SENP1: variants seen among roughly 807,000 people sequenced by gnomAD.
SENP1 encodes SUMO specific peptidase 1, also known as sentrin-specific protease 1.
Under a neutral mutation model 93.0 loss-of-function variants are expected in SENP1, and 21 were observed. The ratio of observed to expected loss-of-function variants is 0.23; its 90% CI spans 0.16 to 0.33. SENP1 has a LOEUF of 0.33. SENP1 is among the 10% of genes least tolerant of loss of function. The pLI is 1.00. For synonymous variants in SENP1, 256 were observed against 259.6 expected (o/e 0.99, Z 0.13); for missense variants, 591 against 758.7 (o/e 0.78, Z 2.60).
chr12:48,079,174 T>G (rs1414977501), intron 6 of SENP1, among the ~76,000 whole-genome samples: 3 of 151,394 alleles, frequency 2.0e-5, no homozygotes, highest in African/African-American at 7.3e-5. Flanking sequence ...AAAATTAAAA[T>G]TAAAGAAAGC....
At position 48,088,906 on chromosome 12, in the gene SENP1, T is replaced by A. The variant is rs774696135; in HGVS notation, c.275A>T (p.Gln92Leu). The A allele has an allele frequency of 6.3e-6, 10 of 1,599,468 alleles. No homozygotes were observed. The highest frequency in any genetic ancestry group is 8.5e-6 in the Non-Finnish European group (10 of 1,172,400). The change falls in exon 5 of 18, where the codon CAG becomes CTG. Residue 92 changes from glutamine to leucine, a missense_variant. Gln to Leu is a moderately radical substitution (Grantham distance 113). Coordinates refer to ENST00000549518, the MANE Select transcript of SENP1 (RefSeq NM_001267594.2). ...LGSGDLRTFGQSANGQWRNST... is the reference protein window; with the variant it reads ...LGSGDLRTFGLSANGQWRNST... ...ATTTCTCCATTGGCCATTTGCACTC[T>A]GGCCAAAGGTTCTTAAATCGCCTGA...
At chr12:48,090,525 C>T (rs893615560) in intron 4 of SENP1, among the ~76,000 whole-genome samples, 2 of 152,192 alleles carry the variant, frequency 1.3e-5, no homozygotes, top group African/African-American at 4.8e-5. Context: ...AATGAAATTG[C>T]TGAATGGTGT....
intron 13 of SENP1, among the ~76,000 whole-genome samples, chr12:48,050,436 G>A (rs547036959): frequency 1.3e-5 from 2 of 152,292 alleles, no homozygotes; most frequent in South Asian, 4.1e-4. Context: ...TCGCCATGAG[G>A]CAGAGCTCTG....
intron 13 of SENP1, among the ~76,000 whole-genome samples, chr12:48,053,480 GAAAAAAA>G (rs56951392): frequency 1.3e-5 from 1 of 79,696 alleles, no homozygotes; most frequent in Admixed American, 1.5e-4. Flanking sequence ...CCTGTCTCAG[GAAAAAAA>G]AAAAAAAAAA....
intron 6 of SENP1, among the ~76,000 whole-genome samples, chr12:48,078,181 T>C (rs956198463): frequency 2.0e-5 from 3 of 151,406 alleles, no homozygotes; most frequent in Non-Finnish European, 4.4e-5. Context: ...GTAAATGGGA[T>C]TGTTCTCTTG....
chr12:48,058,434 CTT>C (rs1565750033), intron 13 of SENP1, among the ~76,000 whole-genome samples: 2 of 151,956 alleles, frequency 1.3e-5, no homozygotes, highest in Non-Finnish European at 1.5e-5. Flanking sequence ...CTTTCCAACT[CTT>C]TTGTATTTTT....
intron 13 of SENP1, among the ~76,000 whole-genome samples, chr12:48,054,438 T>C (rs756824806): frequency 7.9e-5 from 12 of 152,182 alleles, no homozygotes; most frequent in Non-Finnish European, 1.3e-4. Context: ...TTGAGTCATG[T>C]TTGCAGGGTA....
intron 12 of SENP1, 41 bp downstream of exon 12, chr12:48,065,024 A>G (rs1366661549): frequency 1.5e-6 from 2 of 1,377,582 alleles, no homozygotes; most frequent in African/African-American, 1.4e-5. Context: ...CTTTCTAAAC[A>G]TGATACTTAG....
chr12:48,090,989 C>T (rs1467886296), intron 4 of SENP1, among the ~76,000 whole-genome samples: 1 of 152,088 alleles, frequency 6.6e-6, no homozygotes, highest in African/African-American at 2.4e-5. Flanking sequence ...AAAAGATTAC[C>T]TATTATGTGT....
chr12:48,096,438 C>A lies in SENP1; in HGVS notation c.136-11G>T. The A allele has an allele frequency of 1.3e-6, 2 of 1,566,622 alleles. No individual in the cohort carries two copies. Among genetic ancestry groups the A allele is most frequent in the South Asian group, 1.2e-5 (1 of 85,076 alleles). On this transcript the variant is annotated splice_polypyrimidine_tract_variant and intron_variant, in intron 3 of 17. Coordinates refer to ENST00000549518, the MANE Select transcript of SENP1 (RefSeq NM_001267594.2). ...CCTGGAAGATAAAATCTAAACAAAG[C>A]AGAAGATTTTTCTTAAGTCACATTT...
intron 3 of SENP1, among the ~76,000 whole-genome samples, chr12:48,096,852 C>CA (rs1945600371): frequency 1.3e-5 from 2 of 152,178 alleles, no homozygotes; most frequent in Non-Finnish European, 2.9e-5. Context: ...TGCCTATAAT[C>CA]TCAGCACTTT....
chr12:48,080,424 CA>C (rs1448826559), intron 6 of SENP1: 1 of 152,352 alleles, frequency 6.6e-6, no homozygotes, highest in Non-Finnish European at 1.5e-5. Context: ...GTGTTCTCTT[CA>C]AACCTCTGTT....
intron 3 of SENP1, among the ~76,000 whole-genome samples, chr12:48,097,235 CA>C (rs1440537717): frequency 6.6e-6 from 1 of 152,062 alleles, no homozygotes; most frequent in African/African-American, 2.4e-5. Flanking sequence ...GATAACTTTA[CA>C]GAGATAGCTC....
At chr12:48,061,119 G>A (rs1425167130) in intron 13 of SENP1, among the ~76,000 whole-genome samples, 2 of 152,086 alleles carry the variant, frequency 1.3e-5, no homozygotes, top group African/African-American at 4.8e-5. Context: ...AGGATTTCTG[G>A]ATTTTATTTT....
chr12:48,103,979 G>A (rs543400369), intron 1 of SENP1, among the ~76,000 whole-genome samples: 38 of 152,196 alleles, frequency 2.5e-4, no homozygotes, highest in South Asian at 1.5e-3. Context: ...TTGGGAGGCC[G>A]AGGTGGGCAG....
chr12:48,102,431 C>CAAAAAAA (rs57161608), intron 1 of SENP1, among the ~76,000 whole-genome samples: 18 of 47,424 alleles, frequency 3.8e-4, no homozygotes, highest in Admixed American at 6.1e-4. Flanking sequence ...GACTCTGTCT[C>CAAAAAAA]AAAAAAAAAA....
intron 9 of SENP1, among the ~76,000 whole-genome samples, chr12:48,067,183 A>C (rs1477265335): frequency 6.6e-6 from 1 of 152,232 alleles, no homozygotes; most frequent in African/African-American, 2.4e-5. Flanking sequence ...ATATGGATAC[A>C]TATTAGTTAA....
At chr12:48,058,048 C>T (rs1407617486) in intron 13 of SENP1, among the ~76,000 whole-genome samples, 2 of 141,614 alleles carry the variant, frequency 1.4e-5, no homozygotes, top group Non-Finnish European at 3.0e-5. Flanking sequence ...CAGGTTCAAG[C>T]GATTCTCCTG....
intron 4 of SENP1, among the ~76,000 whole-genome samples, chr12:48,089,673 A>G (rs1165145441): frequency 1.3e-5 from 2 of 152,216 alleles, no homozygotes; most frequent in Non-Finnish European, 2.9e-5. Flanking sequence ...CTGAAGTTTC[A>G]GCTAGGAGTG....
Sources: allele counts gnomAD v4.1 joint callset (sites outside exome capture counted in the v4.1 genomes callset), GRCh38; gene constraint gnomAD v4.1.1; transcripts MANE v1.5; gene names NCBI Gene and HGNC (gene_info 2026-07-23, HGNC 2026-07-21).